Variants in CDH18 observed in about 807,000 individuals in gnomAD.
CDH18 encodes the protein cadherin-18.
In CDH18, 31 loss-of-function variants were observed where a neutral mutation model predicts 67.9. That is an observed-to-expected ratio of 0.46 (90% CI 0.34 to 0.62). The LOEUF (loss-of-function observed/expected upper bound fraction) is 0.62. Among genes scored for constraint, CDH18 ranks in the 20% least tolerant of loss-of-function variants. The pLI, the probability that CDH18 is intolerant of heterozygous loss-of-function variation, is 0.01. For synonymous variants in CDH18, 362 were observed against 347.2 expected (o/e 1.04, Z -0.48); for missense variants, 890 against 975.5 (o/e 0.91, Z 1.17).
At chr5:20,129,279 A>T (rs532758148) in intron 2 of CDH18, among the ~76,000 whole-genome samples, 1 of 152,038 alleles carries the variant, frequency 6.6e-6, no homozygotes, top group East Asian at 1.9e-4. Flanking sequence ...ATCTTTATCA[A>T]TTTTTTCAGT....
At chr5:19,475,150 T>C (rs1233214078) in intron 12 of CDH18, among the ~76,000 whole-genome samples, 1 of 151,834 alleles carries the variant, frequency 6.6e-6, no homozygotes, top group African/African-American at 2.4e-5. Flanking sequence ...CAAAAATAAA[T>C]GGCAGGATTC....
chr5:20,129,985 A>G (rs1236611493), intron 2 of CDH18, among the ~76,000 whole-genome samples: 1 of 151,602 alleles, frequency 6.6e-6, no homozygotes, highest in Non-Finnish European at 1.5e-5. Flanking sequence ...TTAGATGGGT[A>G]TTTAGAAAAG....
At chr5:20,280,565 C>T (rs1224227886) in intron 1 of CDH18, among the ~76,000 whole-genome samples, 1 of 152,156 alleles carries the variant, frequency 6.6e-6, no homozygotes, top group Non-Finnish European at 1.5e-5. Context: ...GCATAGTATT[C>T]CATGGTGTAT....
intron 2 of CDH18, among the ~76,000 whole-genome samples, chr5:19,999,653 C>T (rs1048043308): frequency 1.3e-5 from 2 of 152,044 alleles, no homozygotes; most frequent in African/African-American, 4.8e-5. Context: ...ATTCTGGACA[C>T]TAGCCTCAAT....
At chr5:19,936,837 A>G (rs1794325451) in intron 2 of CDH18, among the ~76,000 whole-genome samples, 1 of 151,160 alleles carries the variant, frequency 6.6e-6, no homozygotes, top group African/African-American at 2.4e-5. Context: ...AATAAAATAT[A>G]GAAACTGACA....
intron 8 of CDH18, among the ~76,000 whole-genome samples, chr5:19,569,060 G>A (rs1262133099): frequency 6.6e-6 from 1 of 152,012 alleles, no homozygotes; most frequent in Non-Finnish European, 1.5e-5. Flanking sequence ...TTTAAATATT[G>A]TTTATTTTGA....
intron 1 of CDH18, among the ~76,000 whole-genome samples, chr5:20,437,581 C>T (rs1216049620): frequency 6.6e-6 from 1 of 151,178 alleles, no homozygotes; most frequent in African/African-American, 2.4e-5. Flanking sequence ...TCAATTTCAT[C>T]AAAATTGAAC....
At position 20,096,720 on chromosome 5, in the gene CDH18, G is replaced by T. The variant is rs1025904999; in HGVS notation, c.-517-104706C>A. ...AAAATGGTCTGCCTTTTGCTAAAAA[G>T]GATCAATAACAAAATGCTAATAAAA... On this transcript the variant is annotated intron_variant, in intron 2 of 14. Transcript: ENST00000507958. 2.6e-5 allele frequency among the ~76,000 whole-genome samples: 4 copies of T among 151,796 alleles called. No homozygotes were observed. In the South Asian group the frequency reaches 8.3e-4, roughly 32 times the overall value.
At chr5:20,047,235 T>A (rs1325594562) in intron 2 of CDH18, among the ~76,000 whole-genome samples, 1 of 151,828 alleles carries the variant, frequency 6.6e-6, no homozygotes, top group African/African-American at 2.4e-5. Flanking sequence ...AGGGTTTATA[T>A]ATGAATGCAT....
chr5:19,654,936 G>A (rs900251738), intron 5 of CDH18, among the ~76,000 whole-genome samples: 5 of 152,122 alleles, frequency 3.3e-5, no homozygotes, highest in Non-Finnish European at 5.9e-5. Context: ...CTGCTCTTCT[G>A]CTTCTGTGCT....
chr5:19,654,391 A>G (rs1756033369), intron 5 of CDH18, among the ~76,000 whole-genome samples: 1 of 152,232 alleles, frequency 6.6e-6, no homozygotes, highest in Non-Finnish European at 1.5e-5. Flanking sequence ...ATATGCATGC[A>G]TACATGTATA....
At chr5:20,179,327 T>TA (rs1737496521) in intron 2 of CDH18, among the ~76,000 whole-genome samples, 2 of 152,120 alleles carry the variant, frequency 1.3e-5, no homozygotes, top group Admixed American at 1.3e-4. Flanking sequence ...TCTTCAAACT[T>TA]ACCTGACATT....
intron 4 of CDH18, among the ~76,000 whole-genome samples, chr5:19,730,499 C>A (rs1170414929): frequency 6.6e-6 from 1 of 152,242 alleles, no homozygotes; most frequent in East Asian, 1.9e-4. Flanking sequence ...TTTGCATATA[C>A]ATAATGAGAT....
chr5:20,033,115 A>C (rs1483384880), intron 2 of CDH18, among the ~76,000 whole-genome samples: 1 of 152,088 alleles, frequency 6.6e-6, no homozygotes, highest in African/African-American at 2.4e-5. Flanking sequence ...GGTTTTCTTT[A>C]ACCTGCAATG....
chr5:20,382,610 C>G (rs1743999870), intron 1 of CDH18, among the ~76,000 whole-genome samples: 1 of 152,050 alleles, frequency 6.6e-6, no homozygotes, highest in Non-Finnish European at 1.5e-5. Flanking sequence ...ATAAACATCT[C>G]TCACATAAAG....
intron 2 of CDH18, among the ~76,000 whole-genome samples, chr5:19,903,935 A>T (rs1008853665): frequency 3.3e-5 from 5 of 152,036 alleles, no homozygotes; most frequent in Admixed American, 2.6e-4. Flanking sequence ...CCATTTAATA[A>T]GAAGATCTAT....
chr5:20,222,424 C>T (rs1741302111), intron 2 of CDH18, among the ~76,000 whole-genome samples: 1 of 152,122 alleles, frequency 6.6e-6, no homozygotes, highest in Non-Finnish European at 1.5e-5. Flanking sequence ...TTTCCCAAGC[C>T]ATAAATGTTG....
intron 2 of CDH18, among the ~76,000 whole-genome samples, chr5:20,028,221 T>A (rs1363478279): frequency 3.3e-5 from 5 of 152,100 alleles, no homozygotes; most frequent in African/African-American, 1.2e-4. Flanking sequence ...AATAATAAGA[T>A]ATATTTGTCT....
intron 2 of CDH18, among the ~76,000 whole-genome samples, chr5:20,023,138 C>T (rs745504780): frequency 2.6e-4 from 39 of 152,130 alleles, no homozygotes; most frequent in Non-Finnish European, 5.3e-4. Flanking sequence ...TATGATAGCG[C>T]CATTCTGATC....
Sources: allele counts gnomAD v4.1 joint callset (sites outside exome capture counted in the v4.1 genomes callset), GRCh38; gene constraint gnomAD v4.1.1; transcripts MANE v1.5; gene names NCBI Gene and HGNC (gene_info 2026-07-23, HGNC 2026-07-21).